Variants in NRG3 observed in about 807,000 individuals in gnomAD.
NRG3 encodes the protein pro-neuregulin-3, membrane-bound isoform.
In NRG3, 31 loss-of-function variants were observed where a neutral mutation model predicts 66.9. That is an observed-to-expected ratio of 0.46 (90% CI 0.35 to 0.63). The LOEUF (loss-of-function observed/expected upper bound fraction) is 0.63, where lower values mean the gene tolerates loss of function less well. Ranked by LOEUF, NRG3 falls within the 20% of genes least tolerant of loss-of-function variation. The pLI, the probability that NRG3 is intolerant of heterozygous loss-of-function variation, is 0.00. For missense variants in NRG3, 910 were observed against 878.9 expected, an observed-to-expected ratio of 1.04 and a Z score of -0.45; for synonymous variants, 393 against 359.4, an observed-to-expected ratio of 1.09 and a Z score of -1.06.
intron 5 of NRG3, 84 bp downstream of exon 5, chr10:82,951,655 C>T: frequency 8.6e-7 from 1 of 1,161,666 alleles, no homozygotes; most frequent in Non-Finnish European, 1.3e-6. Context: ...CTGTGTGCCA[C>T]ACAGAGGGAA....
rs187802906 is a variant in NRG3 at position 82,188,359 on chromosome 10, A to C, written c.824-170380A>C. ...AGACCTCAAACTATGAAAGTACTAC[A>C]AGAAAGCATTGCGGAAAATATCTAG... On this transcript the variant is annotated intron_variant, in intron 1 of 8. Transcript: ENST00000372141. 3.3e-3 allele frequency among the ~76,000 whole-genome samples: 506 copies of C among 152,310 alleles called. 2 individuals are homozygous for C. The highest frequency in any genetic ancestry group is 0.012 in the African/African-American group (483 of 41,586).
At chr10:82,555,255 A>G (rs978365699) in intron 2 of NRG3, among the ~76,000 whole-genome samples, 1 of 152,104 alleles carries the variant, frequency 6.6e-6, no homozygotes, top group Non-Finnish European at 1.5e-5. Context: ...TACTCATTCT[A>G]TTTTAGTTCC....
At chr10:82,636,929 G>A (rs1241469465) in intron 2 of NRG3, among the ~76,000 whole-genome samples, 1 of 151,868 alleles carries the variant, frequency 6.6e-6, no homozygotes, top group Non-Finnish European at 1.5e-5. Context: ...GAAATGGGGA[G>A]ATGTAGGTCA....
intron 1 of NRG3, among the ~76,000 whole-genome samples, chr10:82,178,358 A>G (rs1564635484): frequency 6.6e-6 from 1 of 152,134 alleles, no homozygotes; most frequent in Non-Finnish European, 1.5e-5. Context: ...AATACTTTAT[A>G]TCTATTGAAA....
chr10:82,195,755 T>G (rs1225626224), intron 1 of NRG3, among the ~76,000 whole-genome samples: 1 of 152,118 alleles, frequency 6.6e-6, no homozygotes, highest in Non-Finnish European at 1.5e-5. Context: ...CTGGGTAAAA[T>G]TAATGTAATT....
At chr10:82,394,770 C>G (rs1462038442) in intron 2 of NRG3, among the ~76,000 whole-genome samples, 1 of 152,176 alleles carries the variant, frequency 6.6e-6, no homozygotes, top group Non-Finnish European at 1.5e-5. Flanking sequence ...GTTATTTTGA[C>G]TCTCCACAGT....
intron 1 of NRG3, among the ~76,000 whole-genome samples, chr10:81,945,241 C>T (rs368410797): frequency 2.0e-5 from 3 of 151,926 alleles, no homozygotes; most frequent in East Asian, 3.9e-4. Context: ...ATAATCTTTA[C>T]TTTTCTTCTT....
intron 1 of NRG3, among the ~76,000 whole-genome samples, chr10:81,937,086 T>C (rs1847948241): frequency 6.6e-6 from 1 of 152,178 alleles, no homozygotes; most frequent in Non-Finnish European, 1.5e-5. Context: ...GGTTCATCCA[T>C]GTTGTAGCAT....
intron 1 of NRG3, among the ~76,000 whole-genome samples, chr10:81,949,535 G>T (rs1589565332): frequency 6.6e-6 from 1 of 152,144 alleles, no homozygotes; most frequent in East Asian, 1.9e-4. Flanking sequence ...CTCTCTGTGT[G>T]ATATGCCCGA....
chr10:82,061,865 A>T (rs138538265), intron 1 of NRG3, among the ~76,000 whole-genome samples: 35,366 of 143,726 alleles, frequency 0.25, 4,358 homozygotes, highest in Middle Eastern at 0.33. Context: ...TCTCTCTCAC[A>T]CACACAAACA....
chr10:81,895,053 A>T (rs1294344292), intron 1 of NRG3, among the ~76,000 whole-genome samples: 1 of 152,122 alleles, frequency 6.6e-6, no homozygotes, highest in Non-Finnish European at 1.5e-5. Context: ...TTTGGCATCT[A>T]CTTCCCTTGG....
At position 82,425,588 on chromosome 10, in the gene NRG3, G is replaced by C. The variant is rs189611003; in HGVS notation, c.953+66720G>C. Among the ~76,000 whole-genome samples, 532 of 152,050 alleles carry C rather than the reference G, an allele frequency of 3.5e-3. 3 individuals are homozygous for C. Among genetic ancestry groups the C allele is most frequent in the Non-Finnish European group, 6.2e-3 (420 of 67,972 alleles). ...TTTTAACGCATGCTTTGTCTCTTCA[G>C]GCTGTGTTTTTTATTTGTTTATTTG... is the stretch of plus-strand genomic sequence containing the variant. On this transcript the variant is annotated intron_variant, in intron 2 of 8. Transcript: ENST00000372141.
intron 3 of NRG3, among the ~76,000 whole-genome samples, chr10:82,742,406 A>G (rs1457286190): frequency 6.6e-6 from 1 of 152,106 alleles, no homozygotes; most frequent in Non-Finnish European, 1.5e-5. Flanking sequence ...TTAAATCCCA[A>G]GAACCTATAG....
chr10:81,898,429 C>G (rs1301338673), intron 1 of NRG3, among the ~76,000 whole-genome samples: 2 of 152,182 alleles, frequency 1.3e-5, no homozygotes, highest in Non-Finnish European at 2.9e-5. Context: ...GTGAGGCTGT[C>G]CCTGCAACTG....
chr10:82,816,389 G>A (rs2061704973), intron 3 of NRG3, among the ~76,000 whole-genome samples: 1 of 152,214 alleles, frequency 6.6e-6, no homozygotes, highest in African/African-American at 2.4e-5. Context: ...TCATCCCGAT[G>A]AGTGTCCAGC....
At chr10:82,161,438 A>G (rs994222309) in intron 1 of NRG3, among the ~76,000 whole-genome samples, 2 of 152,106 alleles carry the variant, frequency 1.3e-5, no homozygotes, top group African/African-American at 4.8e-5. Flanking sequence ...TCCATTAAAT[A>G]TATAAAGCAA....
intron 2 of NRG3, among the ~76,000 whole-genome samples, chr10:82,716,503 A>G (rs1277315546): frequency 6.6e-6 from 1 of 152,180 alleles, no homozygotes; most frequent in East Asian, 1.9e-4. Flanking sequence ...ACACATTTCT[A>G]CATGGCAGGT....
chr10:82,162,506 T>C (rs2071678039), intron 1 of NRG3, among the ~76,000 whole-genome samples: 1 of 152,134 alleles, frequency 6.6e-6, no homozygotes, highest in Admixed American at 6.6e-5. Flanking sequence ...ATTGTCATCA[T>C]CTCATTCTAT....
intron 2 of NRG3, among the ~76,000 whole-genome samples, chr10:82,717,764 T>A (rs1275741958): frequency 6.6e-6 from 1 of 152,100 alleles, no homozygotes. Context: ...TGTACAGGAA[T>A]CTCTCAACCA....
Sources: gnomAD v4.1 joint callset for allele counts (sites outside exome capture counted in the v4.1 genomes callset) on GRCh38, gnomAD v4.1.1 for gene constraint, MANE v1.5 for transcripts, NCBI Gene and HGNC (gene_info 2026-07-23, HGNC 2026-07-21) for gene names.